The following MAF variants were observed in gnomAD, a reference collection of about 807,000 sequenced individuals.
MAF encodes transcription factor Maf.
MAF carries 10 observed loss-of-function variants against 22.0 expected under a neutral mutation model. The observed-to-expected ratio is 0.45, with a 90% CI of 0.28 to 0.77. MAF has a LOEUF of 0.77. Ranked by LOEUF, MAF falls within the 30% of genes least tolerant of loss-of-function variation. The pLI is 0.12. For synonymous variants in MAF, 337 were observed against 255.8 expected (o/e 1.32, Z -3.03); for missense variants, 544 against 548.4 (o/e 0.99, Z 0.08).
At chr16:79,519,056 A>G in the MAF span, among the ~76,000 whole-genome samples, 1 of 152,224 alleles carries the variant, frequency 6.6e-6, no homozygotes, top group Non-Finnish European at 1.5e-5. Flanking sequence ...TAGTGTAATA[A>G]TAATATTACT....
the MAF span, among the ~76,000 whole-genome samples, chr16:79,231,724 C>T: frequency 1.3e-5 from 2 of 152,086 alleles, no homozygotes; most frequent in Non-Finnish European, 1.5e-5. Flanking sequence ...TCACGGAAGA[C>T]AGTTTTTCTG....
the MAF span, among the ~76,000 whole-genome samples, chr16:79,308,707 T>C: frequency 6.6e-6 from 1 of 152,148 alleles, no homozygotes; most frequent in Admixed American, 6.5e-5. Context: ...CCCCACATAA[T>C]GCTATGAGTT....
the MAF span, among the ~76,000 whole-genome samples, chr16:79,301,492 G>A: frequency 6.6e-6 from 1 of 152,152 alleles, no homozygotes; most frequent in Non-Finnish European, 1.5e-5. Flanking sequence ...GACTGTCTTA[G>A]TCCTGACTCT....
At chr16:79,546,658 T>C in the MAF span, among the ~76,000 whole-genome samples, 1 of 152,214 alleles carries the variant, frequency 6.6e-6, no homozygotes, top group Non-Finnish European at 1.5e-5. Flanking sequence ...ATTGCTGTTA[T>C]CAGGTGCAAC....
At chr16:79,372,009 A>G in the MAF span, among the ~76,000 whole-genome samples, 8 of 152,028 alleles carry the variant, frequency 5.3e-5, no homozygotes, top group East Asian at 1.5e-3. Context: ...CAGGTAAGCC[A>G]TGTGGAATCA....
chr16:79,318,906 T>C, the MAF span, among the ~76,000 whole-genome samples: 2 of 152,238 alleles, frequency 1.3e-5, no homozygotes, highest in East Asian at 3.9e-4. Context: ...GCATATCTGC[T>C]CACCTGAGCC....
chr16:79,565,508 G>GC, the MAF span, among the ~76,000 whole-genome samples: 24 of 122,518 alleles, frequency 2.0e-4, no homozygotes, highest in African/African-American at 7.1e-4. Flanking sequence ...ACGTGTTGTG[G>GC]GGGGGGGGAC....
chr16:79,217,404 A>G, the MAF span, among the ~76,000 whole-genome samples: 1 of 152,186 alleles, frequency 6.6e-6, no homozygotes, highest in African/African-American at 2.4e-5. Context: ...AGACCAGTTG[A>G]TTTCCTATTT....
At chr16:79,298,989 G>A in the MAF span, among the ~76,000 whole-genome samples, 1 of 152,376 alleles carries the variant, frequency 6.6e-6, no homozygotes, top group East Asian at 1.9e-4. Context: ...TGCTCCTGGT[G>A]GAGTGGCCCC....
At chr16:79,574,606 C>G in the MAF span, among the ~76,000 whole-genome samples, 3 of 152,076 alleles carry the variant, frequency 2.0e-5, no homozygotes, top group African/African-American at 7.2e-5. Flanking sequence ...TCAATTGACC[C>G]ATTTTCCAAA....
chr16:79,595,602 G>C, intron 1 of MAF: 1 of 1,059,112 alleles, frequency 9.4e-7, no homozygotes, highest in Non-Finnish European at 1.1e-6. Context: ...TCAGCGCTTA[G>C]GAGTCCTACT....
the MAF span, chr16:79,213,035 T>G: frequency 6.6e-6 from 1 of 151,812 alleles, no homozygotes; most frequent in African/African-American, 2.4e-5. Flanking sequence ...ACTTAGTGAT[T>G]AGCGGGTATC....
the MAF span, among the ~76,000 whole-genome samples, chr16:79,378,954 C>T: frequency 1.3e-5 from 2 of 152,162 alleles, no homozygotes; most frequent in Admixed American, 6.5e-5. Flanking sequence ...AACATCAATA[C>T]CTATTTTAAT....
At chr16:79,294,042 C>A in the MAF span, among the ~76,000 whole-genome samples, 1 of 152,162 alleles carries the variant, frequency 6.6e-6, no homozygotes, top group East Asian at 1.9e-4. Flanking sequence ...GAGGCAGTGG[C>A]CCCCAGGGTA....
chr16:79,459,386 G>A, the MAF span, among the ~76,000 whole-genome samples: 3 of 152,278 alleles, frequency 2.0e-5, no homozygotes, highest in East Asian at 5.8e-4. Context: ...TGCCCTTGTG[G>A]AGCCCACATG....
chr16:79,452,613 C>T, the MAF span, among the ~76,000 whole-genome samples: 4 of 152,052 alleles, frequency 2.6e-5, no homozygotes, highest in Non-Finnish European at 4.4e-5. Flanking sequence ...AAAAATGTGG[C>T]AGACACAGAT....
chr16:79,346,867 G>A, the MAF span, among the ~76,000 whole-genome samples: 1 of 152,214 alleles, frequency 6.6e-6, no homozygotes, highest in African/African-American at 2.4e-5. Context: ...AGAATTGGCA[G>A]ATGATGCTGT....
the MAF span, among the ~76,000 whole-genome samples, chr16:79,231,913 G>A: frequency 1.3e-5 from 2 of 152,022 alleles, no homozygotes; most frequent in Non-Finnish European, 2.9e-5. Flanking sequence ...GGTCCCATCT[G>A]TGGGTGATGG....
chr16:79,335,800 T>G, the MAF span, among the ~76,000 whole-genome samples: 1 of 152,218 alleles, frequency 6.6e-6, no homozygotes, highest in Non-Finnish European at 1.5e-5. Flanking sequence ...GTTGGTGATT[T>G]TCTTCTCTCT....
Sources: gnomAD v4.1 joint callset for allele counts (sites outside exome capture counted in the v4.1 genomes callset) on GRCh38, gnomAD v4.1.1 for gene constraint, MANE v1.5 for transcripts, NCBI Gene and HGNC (gene_info 2026-07-23, HGNC 2026-07-21) for gene names.